Variants in PCDHGA5 observed in about 807,000 individuals in gnomAD.
The protein encoded by PCDHGA5 is protocadherin gamma subfamily A, 5, also known as protocadherin gamma-A5.
PCDHGA5 carries 36 observed loss-of-function variants against 56.7 expected under a neutral mutation model. The observed-to-expected ratio is 0.64, with a 90% confidence interval of 0.49 to 0.84. The LOEUF (loss-of-function observed/expected upper bound fraction) is 0.84, where lower values mean the gene tolerates loss of function less well. Ranked by LOEUF, PCDHGA5 falls within the 40% of genes least tolerant of loss-of-function variation. The pLI is 0.00. For synonymous variants in PCDHGA5, 563 were observed against 520.2 expected (o/e 1.08, Z -1.12); for missense variants, 1,305 against 1,201.5 (o/e 1.09, Z -1.27).
At chr5:141,394,324 A>G in intron 1 of PCDHGA5, 1 of 1,613,922 alleles carries the variant, frequency 6.2e-7, no homozygotes. Context: ...CTGTCCTCGT[A>G]TATCTCCATC....
chr5:141,508,799 C>T (rs962590711), intron 3 of PCDHGA5, among the ~76,000 whole-genome samples: 1 of 152,110 alleles, frequency 6.6e-6, no homozygotes, highest in Non-Finnish European at 1.5e-5. Context: ...ACTCTGGAAT[C>T]CTGGCTCTTT....
rs751320023 is a variant in PCDHGA5 at position 141,431,263 on chromosome 5, G to T, written c.2422-63544G>T. 6 of 1,614,060 alleles carry T rather than the reference G, an allele frequency of 3.7e-6. No homozygotes were observed. In the East Asian group the frequency reaches 1.3e-4, roughly 36 times the overall value. ...CGGATATCGGGAAGAACTCTCTGCA[G>T]AGCTACGAGCTCAGCCCGAACACTC... On this transcript the variant is annotated intron_variant, in intron 1 of 3. Transcript: ENST00000518069. The surrounding 1 kb of genome is among the most constrained non-coding windows in gnomAD (Gnocchi z 4.8).
chr5:141,433,106 G>C, intron 1 of PCDHGA5: 1 of 1,614,170 alleles, frequency 6.2e-7, no homozygotes, highest in Non-Finnish European at 8.5e-7. Flanking sequence ...CGTCAGCCAG[G>C]AGAGCTTTGA....
intron 1 of PCDHGA5, among the ~76,000 whole-genome samples, chr5:141,438,793 C>T (rs982191766): frequency 2.7e-5 from 4 of 149,544 alleles, no homozygotes; most frequent in African/African-American, 7.4e-5. Context: ...TCTCCAGTAG[C>T]TGGGATTACA....
chr5:141,366,872 A>C (rs1764836796), intron 1 of PCDHGA5, 121 bp downstream of exon 1: 2 of 1,396,140 alleles, frequency 1.4e-6, no homozygotes, highest in Admixed American at 2.4e-5. Flanking sequence ...GCTGTATTGG[A>C]GATTAATTTT....
At chr5:141,427,880 C>G in intron 1 of PCDHGA5, 5 of 1,563,170 alleles carry the variant, frequency 3.2e-6, no homozygotes, top group Non-Finnish European at 3.5e-6. Context: ...CGATGCAGGC[C>G]CACGACCAGG....
rs1161697588 is a variant in PCDHGA5, at chr5:141,491,464, T to C, written c.2422-3343T>C. 7 of 1,613,982 alleles carry C rather than the reference T, an allele frequency of 4.3e-6. No homozygotes were observed. In the African/African-American group the frequency reaches 9.3e-5, roughly 22 times the overall value. On this transcript the variant is annotated intron_variant, in intron 1 of 3. Transcript: ENST00000518069. This position sits in a 1 kb window ranked among gnomAD's most constrained non-coding sequence, Gnocchi z 6.9. ...CCAGGACTCACCCTCCCCGGACTTCTATAAGCAGTCCAGCCCCAACCTGCA... is the reference window on the plus strand; with the variant it reads ...CCAGGACTCACCCTCCCCGGACTTCCATAAGCAGTCCAGCCCCAACCTGCA...
chr5:141,492,616 G>A (rs976681246), intron 1 of PCDHGA5, among the ~76,000 whole-genome samples: 1 of 152,252 alleles, frequency 6.6e-6, no homozygotes. Flanking sequence ...CTAAGTGCCG[G>A]GCGGGCAGGA....
chr5:141,419,699 C>A (rs1488905080), intron 1 of PCDHGA5: 1 of 1,612,924 alleles, frequency 6.2e-7, no homozygotes. Context: ...GGCCAGTGAG[C>A]CCGGGCTCTT....
chr5:141,370,854 C>G, intron 1 of PCDHGA5: 1 of 1,614,054 alleles, frequency 6.2e-7, no homozygotes, highest in Non-Finnish European at 8.5e-7. Context: ...CACATTTGCC[C>G]TGGAATCTGC....
chr5:141,389,156 T>TC, intron 1 of PCDHGA5: 1 of 1,613,950 alleles, frequency 6.2e-7, no homozygotes, highest in Non-Finnish European at 8.5e-7. Context: ...CGGCAACAGA[T>TC]CGGGGCAAGC....
rs776718024 is a variant in PCDHGA5 at position 141,486,333 on chromosome 5, T to C, written c.2422-8474T>C. 8.1e-6 allele frequency: 13 copies of C among 1,614,080 alleles called. No individual in the cohort carries two copies. Among genetic ancestry groups the C allele is most frequent in the Non-Finnish European group, 1.1e-5 (13 of 1,179,998 alleles). On this transcript the variant is annotated intron_variant, in intron 1 of 3. Coordinates refer to ENST00000518069, the MANE Select transcript of PCDHGA5 (RefSeq NM_018918.3). The surrounding 1 kb of genome is among the most constrained non-coding windows in gnomAD (Gnocchi z 5.0). ...TCAGGGTCAAACGGAGATGTGAGCC[T>C]CCGCATTCCTGACCACTTGCCATTT...
intron 1 of PCDHGA5, chr5:141,418,422 G>T: frequency 6.2e-7 from 1 of 1,613,996 alleles, no homozygotes; most frequent in Non-Finnish European, 8.5e-7. Context: ...AATCCTGATG[G>T]TGGCAAATAT....
At chr5:141,386,979 T>C (rs2090768348) in intron 1 of PCDHGA5, among the ~76,000 whole-genome samples, 1 of 152,202 alleles carries the variant, frequency 6.6e-6, no homozygotes, top group South Asian at 2.1e-4. Flanking sequence ...ACTTTGTGTT[T>C]TGAGGCTATG....
In PCDHGA5 at chr5:141,447,157, T is replaced by A. The variant is rs569196292; in HGVS notation, c.2422-47650T>A. On this transcript the variant is annotated intron_variant, in intron 1 of 3. Transcript: ENST00000518069. The stretch of plus-strand genomic sequence containing the variant: ...TTTGTTTTTTGTTTTTGTTTTTGTT[T>A]AAGCGGGGTCTTGCTCTTGTCGCGC... Among the ~76,000 whole-genome samples the A allele has an allele frequency of 4.1e-4, 62 of 152,254 alleles. No homozygotes were observed. The South Asian group carries it at 0.013, about 31-fold the overall frequency.
At chr5:141,404,524 G>C (rs368795324) in intron 1 of PCDHGA5, 3 of 1,613,938 alleles carry the variant, frequency 1.9e-6, no homozygotes, top group Non-Finnish European at 2.5e-6. Context: ...ACTATGAGCA[G>C]TTTAGAGATT....
intron 1 of PCDHGA5, chr5:141,405,384 CA>C: frequency 1.9e-6 from 3 of 1,600,664 alleles, no homozygotes; most frequent in Non-Finnish European, 2.6e-6. Context: ...CCGGTGAGTT[CA>C]TTTTTTTTCT....
At chr5:141,433,318 G>A (rs1659490277) in intron 1 of PCDHGA5, 2 of 788,746 alleles carry the variant, frequency 2.5e-6, no homozygotes, top group Non-Finnish European at 4.0e-6. Context: ...CTTTGCCTCC[G>A]GTGTAACAGG....
At chr5:141,414,897 C>A (rs2095799678) in intron 1 of PCDHGA5, 7 of 1,614,230 alleles carry the variant, frequency 4.3e-6, no homozygotes, top group Non-Finnish European at 5.9e-6. Flanking sequence ...TCCCCACAGA[C>A]GGTTCCACAG....
Sources: allele counts gnomAD v4.1 joint callset (sites outside exome capture counted in the v4.1 genomes callset), GRCh38; gene constraint gnomAD v4.1.1; non-coding constraint Gnocchi (gnomAD v3.1); transcripts MANE v1.5; gene names NCBI Gene and HGNC (gene_info 2026-07-23, HGNC 2026-07-21).